Variants in DRC8 observed in about 807,000 individuals in gnomAD.
The protein encoded by DRC8 is dynein regulatory complex protein 8.
chr1:245,026,591 A>G, the DRC8 span, among the ~76,000 whole-genome samples: 1 of 152,224 alleles, frequency 6.6e-6, no homozygotes, highest in Non-Finnish European at 1.5e-5. Flanking sequence ...GTGCAATGGA[A>G]AAACATGGAA....
the DRC8 span, among the ~76,000 whole-genome samples, chr1:245,084,059 T>TCCCC: frequency 5.8e-4 from 18 of 31,102 alleles, no homozygotes; most frequent in Admixed American, 9.0e-4. Flanking sequence ...ATATAAAAAT[T>TCCCC]CCGCCCCCCC....
chr1:245,005,211 T>C, the DRC8 span, among the ~76,000 whole-genome samples: 1 of 152,180 alleles, frequency 6.6e-6, no homozygotes, highest in Non-Finnish European at 1.5e-5. Context: ...TTATAATGGA[T>C]GTTGGTTTGT....
the DRC8 span, among the ~76,000 whole-genome samples, chr1:245,118,950 G>A: frequency 6.6e-6 from 1 of 152,222 alleles, no homozygotes; most frequent in Non-Finnish European, 1.5e-5. Context: ...TAGGGAGAGG[G>A]GAGGGATTGA....
the DRC8 span, chr1:245,081,995 T>A: frequency 9.4e-7 from 1 of 1,065,020 alleles, no homozygotes; most frequent in South Asian, 1.3e-5. Context: ...ATCCAGAGTC[T>A]CTAGCACTTG....
chr1:245,022,383 C>T, the DRC8 span, among the ~76,000 whole-genome samples: 1 of 151,544 alleles, frequency 6.6e-6, no homozygotes, highest in Admixed American at 6.6e-5. Flanking sequence ...AGGCTGGTCT[C>T]GAATTCCTGG....
At chr1:244,993,702 A>G in the DRC8 span, among the ~76,000 whole-genome samples, 1 of 152,210 alleles carries the variant, frequency 6.6e-6, no homozygotes, top group Non-Finnish European at 1.5e-5. Context: ...GAGGGTCTGC[A>G]TCTGGTGAGG....
At chr1:244,990,194 G>A in the DRC8 span, among the ~76,000 whole-genome samples, 11 of 152,264 alleles carry the variant, frequency 7.2e-5, no homozygotes, top group South Asian at 2.1e-4. Context: ...ATCTCATCAC[G>A]TGGGCATTTT....
chr1:245,103,914 A>T, the DRC8 span, among the ~76,000 whole-genome samples: 1 of 152,218 alleles, frequency 6.6e-6, no homozygotes, highest in Non-Finnish European at 1.5e-5. Flanking sequence ...TGTAAACAAG[A>T]TCCTAAGAAG....
At chr1:244,990,683 C>T in the DRC8 span, among the ~76,000 whole-genome samples, 1 of 152,064 alleles carries the variant, frequency 6.6e-6, no homozygotes, top group African/African-American at 2.4e-5. Flanking sequence ...GTGTCTTGCT[C>T]TGTTGCCCAG....
At chr1:245,011,476 ACTTTCAGT>A in the DRC8 span, among the ~76,000 whole-genome samples, 2 of 152,244 alleles carry the variant, frequency 1.3e-5, no homozygotes, top group Non-Finnish European at 2.9e-5. Flanking sequence ...CAAACACCGG[ACTTTCAGT>A]CTCTGCCTGC....
the DRC8 span, among the ~76,000 whole-genome samples, chr1:245,013,895 A>G: frequency 6.6e-6 from 1 of 151,836 alleles, no homozygotes; most frequent in Non-Finnish European, 1.5e-5. Context: ...GCTTGGCGGT[A>G]GTGGTGCACA....
chr1:244,998,852 A>G, the DRC8 span, among the ~76,000 whole-genome samples: 2 of 152,100 alleles, frequency 1.3e-5, no homozygotes, highest in African/African-American at 4.8e-5. Context: ...CTCCATTTTT[A>G]TATTACCTGC....
chr1:245,122,590 C>G, the DRC8 span: 1 of 152,508 alleles, frequency 6.6e-6, no homozygotes, highest in Non-Finnish European at 1.5e-5. Context: ...TCCTGAGTAG[C>G]TGGGACCACA....
the DRC8 span, among the ~76,000 whole-genome samples, chr1:245,098,705 G>A: frequency 6.6e-6 from 1 of 152,210 alleles, no homozygotes; most frequent in Non-Finnish European, 1.5e-5. Context: ...CACAGTCCGA[G>A]TGAACTGTCC....
the DRC8 span, among the ~76,000 whole-genome samples, chr1:244,985,597 C>T: frequency 6.6e-6 from 1 of 152,136 alleles, no homozygotes; most frequent in Non-Finnish European, 1.5e-5. Context: ...GGTGTGGTGG[C>T]ACACACCTGT....
the DRC8 span, among the ~76,000 whole-genome samples, chr1:245,065,816 C>T: frequency 6.6e-6 from 1 of 151,614 alleles, no homozygotes; most frequent in South Asian, 2.1e-4. Context: ...CAGTCTTCTG[C>T]TTGGGAGGCA....
chr1:245,089,509 G>C, the DRC8 span, among the ~76,000 whole-genome samples: 1 of 152,030 alleles, frequency 6.6e-6, no homozygotes, highest in South Asian at 2.1e-4. This position sits in a 1 kb window ranked among gnomAD's most constrained non-coding sequence, Gnocchi z 4.8. Context: ...CAAGATCGGA[G>C]AGAATTGCAA....
At chr1:245,017,986 G>C in the DRC8 span, among the ~76,000 whole-genome samples, 1 of 152,128 alleles carries the variant, frequency 6.6e-6, no homozygotes, top group African/African-American at 2.4e-5. Context: ...AAGTACTTTG[G>C]GAGGTCAAGG....
At chr1:245,065,073 CTTTTTTTTTTT>C in the DRC8 span, among the ~76,000 whole-genome samples, 5,370 of 81,888 alleles carry the variant, frequency 0.066, 350 homozygotes, top group African/African-American at 0.21. Flanking sequence ...TAACATTCTT[CTTTTTTTTTTT>C]TTTTTTTTTT....
Sources: allele counts gnomAD v4.1 joint callset (sites outside exome capture counted in the v4.1 genomes callset), GRCh38; gene constraint gnomAD v4.1.1; non-coding constraint Gnocchi (gnomAD v3.1); transcripts MANE v1.5; gene names NCBI Gene and HGNC (gene_info 2026-07-23, HGNC 2026-07-21).